Variants in OR2C1 observed in about 807,000 individuals in gnomAD.
The protein encoded by OR2C1 is olfactory receptor 2C1.
For missense variants in OR2C1, 468 were observed against 388.3 expected, an observed-to-expected ratio of 1.21 and a Z score of -1.73; for synonymous variants, 209 against 167.3, an observed-to-expected ratio of 1.25 and a Z score of -1.92.
chr16:3,336,224 T>A, the OR2C1 span, among the ~76,000 whole-genome samples: 1 of 152,232 alleles, frequency 6.6e-6, no homozygotes, highest in Non-Finnish European at 1.5e-5. Context: ...TTATGTTTAT[T>A]GATTTGTATC....
chr16:3,356,248 T>C lies in OR2C1; in HGVS notation c.308T>C (p.Val103Ala). The C allele has an allele frequency of 6.2e-7, 1 of 1,614,128 alleles. No individual in the cohort carries two copies. The highest frequency in any genetic ancestry group is 2.2e-5 in the East Asian group (1 of 44,886). ...GGTGGCTGCATAACCCAGCTCTATG[T>C]CTTCCTTTGGCTGGGGGCCACCGAG... Reference protein sequence around the residue: ...SYGGCITQLYVFLWLGATECI... With the variant: ...SYGGCITQLYAFLWLGATECI... The change falls in exon 1 of 1, where the codon GTC (valine) becomes GCC (alanine). Residue 103 changes from valine (V) to alanine (A), a missense_variant. Transcript: ENST00000304936.
the OR2C1 span, among the ~76,000 whole-genome samples, chr16:3,325,957 G>A: frequency 8.6e-5 from 12 of 139,934 alleles, no homozygotes; most frequent in Non-Finnish European, 1.8e-4. Context: ...TTTAGGCAAA[G>A]TCTCACTCTG....
the OR2C1 span, among the ~76,000 whole-genome samples, chr16:3,326,131 A>G: frequency 1.3e-5 from 2 of 151,878 alleles, no homozygotes; most frequent in South Asian, 2.1e-4. Flanking sequence ...GGGTTTCACC[A>G]TGTTTGTCAG....
chr16:3,356,237 C>G lies in OR2C1; in HGVS notation c.297C>G (p.Thr99=). ...CCATCAGCTATGGTGGCTGCATAACCCAGCTCTATGTCTTCCTTTGGCTGG... is the reference window on the plus strand; with the variant it reads ...CCATCAGCTATGGTGGCTGCATAACGCAGCTCTATGTCTTCCTTTGGCTGG... The part of the protein sequence containing the change: ...GKTISYGGCI[T]QLYVFLWLGA... Residue 99 remains threonine (T), a synonymous_variant, in exon 1 of 1, where the codon ACC becomes ACG. Coordinates refer to ENST00000304936, the MANE Select transcript of OR2C1 (RefSeq NM_012368.3). The G allele has an allele frequency of 3.7e-6, 6 of 1,614,166 alleles. No homozygotes were observed. Among genetic ancestry groups the G allele is most frequent in the Non-Finnish European group, 5.1e-6 (6 of 1,180,046 alleles).
chr16:3,338,538 C>G, the OR2C1 span, among the ~76,000 whole-genome samples: 3 of 103,288 alleles, frequency 2.9e-5, no homozygotes, highest in African/African-American at 1.2e-4. Context: ...GTATAGGTAC[C>G]TTTTTTTTTT....
the OR2C1 span, among the ~76,000 whole-genome samples, chr16:3,326,759 A>C: frequency 6.6e-6 from 1 of 152,348 alleles, no homozygotes; most frequent in African/African-American, 2.4e-5. Flanking sequence ...TGCTAGAACA[A>C]ATCCAGCTCT....
chr16:3,330,482 A>G, the OR2C1 span, among the ~76,000 whole-genome samples: 1 of 152,218 alleles, frequency 6.6e-6, no homozygotes, highest in Non-Finnish European at 1.5e-5. Flanking sequence ...GGATAGACAC[A>G]TAGATCAATG....
chr16:3,350,570 C>T, the OR2C1 span, among the ~76,000 whole-genome samples: 3 of 151,430 alleles, frequency 2.0e-5, no homozygotes, highest in East Asian at 2.0e-4. Context: ...TGCCTCCGTG[C>T]CCGGCTAATT....
chr16:3,356,800 C>A lies in OR2C1; in HGVS notation c.860C>A (p.Pro287His). The change falls in exon 1 of 1, where the codon CCC (proline) becomes CAC (histidine). Residue 287 changes from proline to histidine, a missense_variant. By Grantham distance (77) the Pro-to-His change is moderately conservative (BLOSUM62 -2). Transcript: ENST00000304936. ...FYSLVTPMVN[P>H]LIYTLRNMEV... ...TCGTTGGTCACACCCATGGTGAATC[C>A]CCTCATCTACACGCTGCGGAACATG... The A allele has an allele frequency of 6.2e-7, 1 of 1,609,580 alleles. No homozygotes were observed. Among genetic ancestry groups the A allele is most frequent in the Non-Finnish European group, 8.5e-7 (1 of 1,177,388 alleles).
At chr16:3,330,282 AT>A in the OR2C1 span, among the ~76,000 whole-genome samples, 3 of 148,052 alleles carry the variant, frequency 2.0e-5, no homozygotes, top group Non-Finnish European at 4.5e-5. Flanking sequence ...AATTTTTTGT[AT>A]TTTTTTTCTT....
At chr16:3,327,054 A>G in the OR2C1 span, among the ~76,000 whole-genome samples, 22 of 152,306 alleles carry the variant, frequency 1.4e-4, no homozygotes, top group African/African-American at 5.3e-4. Context: ...ACATAGAGTA[A>G]TAACTGATTT....
the OR2C1 span, chr16:3,323,752 A>G: frequency 1.4e-6 from 1 of 691,304 alleles, no homozygotes; most frequent in Non-Finnish European, 2.6e-6. Context: ...GCCACCAGGA[A>G]TTATGTAGGA....
chr16:3,340,751 G>C, the OR2C1 span, among the ~76,000 whole-genome samples: 5 of 152,176 alleles, frequency 3.3e-5, no homozygotes, highest in Admixed American at 1.3e-4. Flanking sequence ...GTTGTCCATA[G>C]GGGGTTATTT....
At chr16:3,333,459 C>T in the OR2C1 span, among the ~76,000 whole-genome samples, 1 of 151,942 alleles carries the variant, frequency 6.6e-6, no homozygotes, top group Non-Finnish European at 1.5e-5. Flanking sequence ...CCTCAGCCTC[C>T]CCAGTAGCTG....
the OR2C1 span, among the ~76,000 whole-genome samples, chr16:3,338,833 G>T: frequency 6.6e-6 from 1 of 152,108 alleles, no homozygotes; most frequent in African/African-American, 2.4e-5. Flanking sequence ...ACCGCGCCCG[G>T]CCTAGGCAAC....
chr16:3,348,547 C>A, the OR2C1 span, among the ~76,000 whole-genome samples: 3,785 of 152,206 alleles, frequency 0.025, 147 homozygotes, highest in African/African-American at 0.077. Context: ...GGCACAGTGA[C>A]CAGCACACAG....
At chr16:3,336,877 T>G in the OR2C1 span, among the ~76,000 whole-genome samples, 4 of 151,708 alleles carry the variant, frequency 2.6e-5, no homozygotes, top group Non-Finnish European at 5.9e-5. Flanking sequence ...CCTGGCTAAT[T>G]TTGTAATTTT....
chr16:3,339,426 C>G, the OR2C1 span, among the ~76,000 whole-genome samples: 2 of 152,084 alleles, frequency 1.3e-5, no homozygotes, highest in African/African-American at 4.8e-5. Flanking sequence ...TTTTGAGAAA[C>G]TGCCAAACTG....
At chr16:3,343,251 A>G in the OR2C1 span, among the ~76,000 whole-genome samples, 13,776 of 152,168 alleles carry the variant, frequency 0.091, 757 homozygotes, top group African/African-American at 0.15. Flanking sequence ...AGTACAACAA[A>G]GGAAATCTTC....
Sources: gnomAD v4.1 joint callset for allele counts (sites outside exome capture counted in the v4.1 genomes callset) on GRCh38, gnomAD v4.1.1 for gene constraint, MANE v1.5 for transcripts, NCBI Gene and HGNC (gene_info 2026-07-23, HGNC 2026-07-21) for gene names.